EPB41L3: variants seen among roughly 807,000 people sequenced by gnomAD.
EPB41L3 encodes band 4.1-like protein 3.
A neutral mutation model predicts 127.1 loss-of-function variants in EPB41L3; 57 were observed. The ratio of observed to expected loss-of-function variants is 0.45; its 90% CI spans 0.36 to 0.56. The LOEUF (loss-of-function observed/expected upper bound fraction) is 0.56. EPB41L3 is among the 20% of genes least tolerant of loss of function. The probability of loss-of-function intolerance (pLI) is 0.00; values close to 1 mark genes in which losing one functional copy is unlikely to be tolerated. For missense variants in EPB41L3, 1,273 were observed against 1,372.2 expected, an observed-to-expected ratio of 0.93 and a Z score of 1.14; for synonymous variants, 572 against 549.5, an observed-to-expected ratio of 1.04 and a Z score of -0.57.
At chr18:5,425,755 C>A (rs1428349469) in intron 9 of EPB41L3, among the ~76,000 whole-genome samples, 1 of 152,176 alleles carries the variant, frequency 6.6e-6, no homozygotes, top group Non-Finnish European at 1.5e-5. Context: ...GAAAAACCAG[C>A]TCTCTCTGAG....
chr18:5,574,478 T>G (rs907610333), intron 3 of EPB41L3, among the ~76,000 whole-genome samples: 3 of 150,844 alleles, frequency 2.0e-5, no homozygotes, highest in Admixed American at 1.3e-4. Flanking sequence ...GTAGAATCAG[T>G]TTTTTTTTAA....
chr18:5,555,732 C>T (rs1941000), intron 3 of EPB41L3, among the ~76,000 whole-genome samples: 81,834 of 152,024 alleles, frequency 0.54, 24,517 homozygotes, highest in Non-Finnish European at 0.66. Flanking sequence ...TCCAGCTTCC[C>T]GGGACATGAG....
intron 1 of EPB41L3, among the ~76,000 whole-genome samples, chr18:5,499,829 G>GTGTATATATATATATATATA (rs563662904): frequency 4.8e-5 from 6 of 124,664 alleles, no homozygotes; most frequent in African/African-American, 1.9e-4. Flanking sequence ...CTATGTGTGT[G>GTGTATATATATATATATATA]TATATATATA....
upstream of EPB41L3, among the ~76,000 whole-genome samples, chr18:5,547,646 C>A (rs1173857002): frequency 6.6e-6 from 1 of 152,074 alleles, no homozygotes; most frequent in Non-Finnish European, 1.5e-5. Context: ...AGAAAAGGTG[C>A]AGAGAAAAGG....
At chr18:5,398,254 G>A in intron 16 of EPB41L3, 111 bp from the exon 17 acceptor site, 2 of 1,250,794 alleles carry the variant, frequency 1.6e-6, no homozygotes, top group Admixed American at 2.2e-5. Context: ...ACAGGGAGGA[G>A]GAAGAACGAA....
chr18:5,557,419 T>G (rs1325688342), intron 3 of EPB41L3, among the ~76,000 whole-genome samples: 3 of 152,202 alleles, frequency 2.0e-5, no homozygotes, highest in Non-Finnish European at 4.4e-5. Flanking sequence ...GGTCTCACTC[T>G]CTTGCCCAGA....
rs116225292 is a variant in EPB41L3 at position 5,621,412 on chromosome 18, G to A, written c.-467-6989C>T. 2.7e-3 allele frequency among the ~76,000 whole-genome samples: 413 copies of A among 152,234 alleles called. 1 individual carries two copies. The highest frequency in any genetic ancestry group is 9.6e-3 in the African/African-American group (397 of 41,548). ...GTAGTTACTATAATTCAGGAAACATGGGTTACATTTGTATCCACTATGAAC... is the reference window on the plus strand; with the variant it reads ...GTAGTTACTATAATTCAGGAAACATAGGTTACATTTGTATCCACTATGAAC... On this transcript the variant is annotated intron_variant, in intron 1 of 21. Transcript: ENST00000545076.
At chr18:5,503,001 A>G (rs2148538673) in intron 1 of EPB41L3, among the ~76,000 whole-genome samples, 1 of 152,324 alleles carries the variant, frequency 6.6e-6, no homozygotes, top group African/African-American at 2.4e-5. Context: ...GACTTAAGTG[A>G]TAAGTCAAAA....
At chr18:5,504,618 A>ATATT (rs1442817973) in intron 1 of EPB41L3, among the ~76,000 whole-genome samples, 4 of 152,168 alleles carry the variant, frequency 2.6e-5, no homozygotes, top group Non-Finnish European at 5.9e-5. Flanking sequence ...GTAACCAAAT[A>ATATT]GGGCCACAGA....
intron 3 of EPB41L3, among the ~76,000 whole-genome samples, chr18:5,447,554 A>G (rs572194642): frequency 2.6e-5 from 4 of 151,820 alleles, no homozygotes; most frequent in African/African-American, 9.7e-5. Context: ...AACCAAAACA[A>G]ATGCAAATAC....
chr18:5,544,061 G>A, upstream of EPB41L3: 2 of 985,568 alleles, frequency 2.0e-6, no homozygotes, highest in Non-Finnish European at 2.4e-6. Flanking sequence ...CCCTGTTGCA[G>A]GAGACACCGA....
At chr18:5,609,882 C>T (rs1056795242) in intron 3 of EPB41L3, among the ~76,000 whole-genome samples, 3 of 151,804 alleles carry the variant, frequency 2.0e-5, no homozygotes, top group Non-Finnish European at 4.4e-5. Context: ...AAAAAAACAA[C>T]AGCTAAAGTC....
chr18:5,480,838 G>A (rs930562113), intron 2 of EPB41L3: 1 of 151,964 alleles, frequency 6.6e-6, no homozygotes, highest in Non-Finnish European at 1.5e-5. Flanking sequence ...TCATGTCTAG[G>A]TATAGATATT....
chr18:5,531,783 C>CT (rs1394331155), intron 1 of EPB41L3, among the ~76,000 whole-genome samples: 1 of 139,014 alleles, frequency 7.2e-6, no homozygotes, highest in Non-Finnish European at 1.6e-5. Flanking sequence ...AAAAGTCAAA[C>CT]TTTGGTGCAA....
At chr18:5,427,600 G>A (rs1199767432) in intron 9 of EPB41L3, among the ~76,000 whole-genome samples, 2 of 152,140 alleles carry the variant, frequency 1.3e-5, no homozygotes, top group Non-Finnish European at 2.9e-5. Context: ...CTTGTACCTT[G>A]AAGTACAGGA....
At chr18:5,573,319 A>C (rs1276307545) in intron 3 of EPB41L3, among the ~76,000 whole-genome samples, 1 of 152,236 alleles carries the variant, frequency 6.6e-6, no homozygotes, top group Non-Finnish European at 1.5e-5. Flanking sequence ...GAAGTAAGAG[A>C]ACAGCTTCAT....
At position 5,433,960 on chromosome 18, in the gene EPB41L3, G is replaced by A; in HGVS notation, c.767C>T (p.Ala256Val). The change falls in exon 7 of 23, where the codon GCA (alanine) becomes GTA (valine). Residue 256 changes from alanine (A) to valine (V), a missense_variant. Ala to Val is a moderately conservative substitution (Grantham distance 64, BLOSUM62 0). Around this residue, in one of 3 missense-constraint regions of EPB41L3, gnomAD observed 326 missense variants for 440.2 expected, o/e 0.74. Coordinates refer to ENST00000341928, the MANE Select transcript of EPB41L3 (RefSeq NM_012307.5). ...GSDYISEFRF[A>V]PNHTKELEDK... The stretch of plus-strand genomic sequence containing the variant: ...TTCCAGTTCTTTAGTGTGGTTTGGT[G>A]CAAAGCGGAACTCACTAATGTAATC... 6.2e-7 allele frequency: 1 copy of A among 1,614,194 alleles called. No homozygotes were observed. The highest frequency in any genetic ancestry group is 1.7e-5 in the Admixed American group (1 of 60,016).
At chr18:5,615,327 G>A (rs2094780899) in intron 1 of EPB41L3, among the ~76,000 whole-genome samples, 1 of 151,742 alleles carries the variant, frequency 6.6e-6, no homozygotes. Context: ...CTTTGGCTTG[G>A]GTGAGTGACT....
intron 1 of EPB41L3, among the ~76,000 whole-genome samples, chr18:5,500,684 G>A (rs748686171): frequency 1.1e-4 from 16 of 152,264 alleles, no homozygotes; most frequent in African/African-American, 3.1e-4. Context: ...CAAATAATCC[G>A]TGCTTCTAAT....
Sources: gnomAD v4.1 joint callset for allele counts (sites outside exome capture counted in the v4.1 genomes callset) on GRCh38, gnomAD v4.1.1 for gene constraint, gnomAD v4.1.1 regional missense constraint, MANE v1.5 for transcripts, NCBI Gene and HGNC (gene_info 2026-07-23, HGNC 2026-07-21) for gene names.